SGMS1: variants seen among roughly 807,000 people sequenced by gnomAD.
The protein encoded by SGMS1 is sphingomyelin synthase 1, also known as phosphatidylcholine:ceramide cholinephosphotransferase 1.
In SGMS1, 13 loss-of-function variants were observed where a neutral mutation model predicts 46.2. The observed-to-expected ratio is 0.28, with a 90% CI of 0.18 to 0.45. SGMS1 has a LOEUF of 0.45. Ranked by LOEUF, SGMS1 falls within the 20% of genes least tolerant of loss-of-function variation. SGMS1 has a pLI of 1.00. For synonymous variants in SGMS1, 203 were observed against 187.8 expected (o/e 1.08, Z -0.66); for missense variants, 324 against 519.9 (o/e 0.62, Z 3.66).
chr10:50,415,088 T>G (rs1364041416), intron 6 of SGMS1, among the ~76,000 whole-genome samples: 1 of 152,202 alleles, frequency 6.6e-6, no homozygotes, highest in Admixed American at 6.5e-5. Flanking sequence ...GCCACTGCAC[T>G]CCAGCCTGGG....
chr10:50,460,528 C>T (rs961179488), intron 5 of SGMS1, 145 bp downstream of exon 5: 3 of 152,216 alleles, frequency 2.0e-5, no homozygotes, highest in Non-Finnish European at 4.4e-5. Flanking sequence ...GAAAGACAGA[C>T]ACCAGGTATT....
intron 6 of SGMS1, among the ~76,000 whole-genome samples, chr10:50,384,550 G>A (rs1488008478): frequency 2.0e-5 from 3 of 151,406 alleles, no homozygotes; most frequent in Non-Finnish European, 2.9e-5. Flanking sequence ...TCACAGCTCA[G>A]CAGTCTCCCA....
At chr10:50,623,155 G>A (rs1442377718) in intron 1 of SGMS1, among the ~76,000 whole-genome samples, 1 of 152,058 alleles carries the variant, frequency 6.6e-6, no homozygotes, top group Admixed American at 6.5e-5. Flanking sequence ...TGTCGTCAGG[G>A]GGCATCGAGG....
At chr10:50,601,699 C>T (rs1405789902) in intron 1 of SGMS1, among the ~76,000 whole-genome samples, 1 of 152,208 alleles carries the variant, frequency 6.6e-6, no homozygotes, top group South Asian at 2.1e-4. Flanking sequence ...CCTAACACTA[C>T]TCATCAGATG....
At chr10:50,393,431 A>G (rs1342526858) in intron 6 of SGMS1, among the ~76,000 whole-genome samples, 1 of 152,116 alleles carries the variant, frequency 6.6e-6, no homozygotes, top group Non-Finnish European at 1.5e-5. Flanking sequence ...AAGAAGCACA[A>G]ATCACTGCCT....
intron 2 of SGMS1, among the ~76,000 whole-genome samples, chr10:50,587,460 G>A (rs1478163544): frequency 3.3e-5 from 5 of 151,988 alleles, no homozygotes; most frequent in South Asian, 4.1e-4. Context: ...TGGTGAAACC[G>A]TGTCTCTACT....
chr10:50,590,635 C>T lies in SGMS1; in HGVS notation c.-683-388G>A, dbSNP rs369687426. On this transcript the variant is annotated intron_variant, in intron 1 of 10. Transcript: ENST00000361781. ...TACTTAACATATCTATCACCTCATA[C>T]AATTCCCTTTTTTTTGAGGAGTTTT... 13 of 152,252 alleles carry T rather than the reference C, an allele frequency of 8.5e-5. No individual in the cohort carries two copies. In the East Asian group the frequency reaches 2.5e-3, roughly 29 times the overall value. 9.4% of individuals were successfully genotyped at this position (152,252 alleles called of 1,614,324 possible).
chr10:50,450,422 T>TAGAA (rs1366404243), intron 5 of SGMS1, among the ~76,000 whole-genome samples: 1 of 152,190 alleles, frequency 6.6e-6, no homozygotes, highest in Non-Finnish European at 1.5e-5. Context: ...GGAAAGGGAA[T>TAGAA]AGAATGTGAG....
At chr10:50,610,502 A>G (rs1420919595) in intron 1 of SGMS1, among the ~76,000 whole-genome samples, 1 of 152,172 alleles carries the variant, frequency 6.6e-6, no homozygotes, top group East Asian at 1.9e-4. Context: ...ATGAGGCTTG[A>G]GAAACTCCTG....
Position 50,343,580 on chromosome 10 carries a change from G to T in SGMS1, c.535C>A (p.Arg179=). 6.2e-7 allele frequency: 1 copy of T among 1,614,048 alleles called. No homozygotes were observed. ...CAAATAGAAAAGGCCCACTGCACCC[G>T]GTTAAAATGGTCAAAAAATGTGTCC... ...LPDTFFDHFN[R]VQWAFSICEI... Residue 179 remains arginine (R), a synonymous_variant, in exon 7 of 11, where the codon CGG becomes AGG. Coordinates refer to ENST00000361781, the MANE Select transcript of SGMS1 (RefSeq NM_147156.4).
intron 3 of SGMS1, among the ~76,000 whole-genome samples, chr10:50,473,758 A>G (rs952613880): frequency 2.0e-5 from 3 of 152,192 alleles, no homozygotes; most frequent in Non-Finnish European, 4.4e-5. Context: ...GGACTCTGCC[A>G]TATTCTCAGG....
intron 1 of SGMS1, among the ~76,000 whole-genome samples, chr10:50,622,589 C>G (rs1838863960): frequency 6.6e-6 from 1 of 152,226 alleles, no homozygotes; most frequent in Non-Finnish European, 1.5e-5. Context: ...GGCCCCAGAA[C>G]ATAGAAAATA....
intron 1 of SGMS1, among the ~76,000 whole-genome samples, chr10:50,601,093 T>A (rs1018939027): frequency 1.3e-5 from 2 of 152,038 alleles, no homozygotes; most frequent in Admixed American, 1.3e-4. Flanking sequence ...GTTGGGAAGA[T>A]GAAATGAAGA....
At chr10:50,532,457 A>G (rs1837963859) in intron 2 of SGMS1, among the ~76,000 whole-genome samples, 1 of 152,078 alleles carries the variant, frequency 6.6e-6, no homozygotes, top group Non-Finnish European at 1.5e-5. Flanking sequence ...TTAATATTAG[A>G]AGTGTTTTGG....
At chr10:50,359,138 A>C (rs939626169) in intron 6 of SGMS1, among the ~76,000 whole-genome samples, 3 of 152,212 alleles carry the variant, frequency 2.0e-5, no homozygotes, top group Non-Finnish European at 4.4e-5. Context: ...TACTTTGCTA[A>C]GATACAAGAA....
chr10:50,522,756 C>T (rs762495699), intron 2 of SGMS1, among the ~76,000 whole-genome samples: 5 of 152,010 alleles, frequency 3.3e-5, no homozygotes, highest in African/African-American at 4.8e-5. Context: ...TGTGATGTCT[C>T]GGTAGAATGG....
intron 2 of SGMS1, among the ~76,000 whole-genome samples, chr10:50,573,234 A>G (rs893376229): frequency 6.6e-6 from 1 of 152,246 alleles, no homozygotes; most frequent in Non-Finnish European, 1.5e-5. Context: ...CGTCCCAGCC[A>G]GAGCAATGAG....
chr10:50,491,086 C>T (rs1176577138), intron 3 of SGMS1, among the ~76,000 whole-genome samples: 1 of 152,162 alleles, frequency 6.6e-6, no homozygotes, highest in East Asian at 1.9e-4. Context: ...GTGGCTCATG[C>T]CTGTAATTCC....
intron 6 of SGMS1, among the ~76,000 whole-genome samples, chr10:50,381,341 AGC>A (rs1472461571): frequency 1.6e-4 from 24 of 152,138 alleles, no homozygotes; most frequent in African/African-American, 5.5e-4. Flanking sequence ...TGCAAGCAAA[AGC>A]ACTGTAAACA....
Sources: gnomAD v4.1 joint callset for allele counts (sites outside exome capture counted in the v4.1 genomes callset) on GRCh38, gnomAD v4.1.1 for gene constraint, MANE v1.5 for transcripts, NCBI Gene and HGNC (gene_info 2026-07-23, HGNC 2026-07-21) for gene names.